RIBC2: variants seen among roughly 807,000 people sequenced by gnomAD.
RIBC2 encodes the protein RIB43A domain with coiled-coils 2.
In RIBC2, 40 loss-of-function variants were observed where a neutral mutation model predicts 44.3. The ratio of observed to expected loss-of-function variants is 0.90; its 90% CI spans 0.70 to 1.18. The LOEUF (loss-of-function observed/expected upper bound fraction) is 1.18, where lower values mean the gene tolerates loss of function less well. Ranked by LOEUF, RIBC2 falls within the 50% of genes most tolerant of loss-of-function variation. RIBC2 has a pLI of 0.00. For missense variants in RIBC2, 459 were observed against 485.5 expected, an observed-to-expected ratio of 0.95 and a Z score of 0.51; for synonymous variants, 171 against 175.0, an observed-to-expected ratio of 0.98 and a Z score of 0.18.
intron 3 of RIBC2, 56 bp downstream of exon 3, chr22:45,418,002 T>G: frequency 1.1e-6 from 1 of 879,888 alleles, no homozygotes; most frequent in Non-Finnish European, 1.6e-6. Flanking sequence ...AAACCAACCC[T>G]ACAGTTTTTT....
chr22:45,413,713 A>G lies in RIBC2; in HGVS notation c.-174A>G. 1 of 1,160,118 alleles carries G rather than the reference A, an allele frequency of 8.6e-7. No individual in the cohort carries two copies. Among genetic ancestry groups the G allele is most frequent in the Non-Finnish European group, 1.2e-6 (1 of 816,788 alleles). 71.9% of individuals were successfully genotyped at this position (1,160,118 alleles called of 1,614,324 possible). On this transcript the variant is annotated 5_prime_UTR_variant, in exon 1 of 7. Transcript: ENST00000614167. ...AACGAGTTGTTGACATTTCCGAGAG[A>G]GCGGGAGCGTCTGTACCTCTGCGGC...
chr22:45,430,210 C>A (rs1009342611), intron 5 of RIBC2, among the ~76,000 whole-genome samples: 20 of 152,122 alleles, frequency 1.3e-4, no homozygotes, highest in Non-Finnish European at 2.8e-4. Flanking sequence ...GCTTATTTGG[C>A]GGGAGGAGGC....
Position 45,427,585 on chromosome 22 carries a change from C to G in RIBC2, c.903+1410C>G, listed in dbSNP as rs969579392. On this transcript the variant is annotated intron_variant, in intron 5 of 6. Coordinates refer to ENST00000614167, the MANE Select transcript of RIBC2 (RefSeq NM_015653.5). Reference sequence around the variant, plus strand: ...GCAGCTGGATATGTAACATAGGGCTCAGAACAAGGTCTGGGCCAGAGGCAT... The same window carrying G: ...GCAGCTGGATATGTAACATAGGGCTGAGAACAAGGTCTGGGCCAGAGGCAT... 5.9e-5 allele frequency among the ~76,000 whole-genome samples: 9 copies of G among 152,352 alleles called. 1 individual carries two copies. The highest frequency in any genetic ancestry group is 6.8e-3 in the Middle Eastern group (2 of 294).
chr22:45,418,073 G>A, intron 3 of RIBC2, 127 bp downstream of exon 3: 1 of 713,944 alleles, frequency 1.4e-6, no homozygotes, highest in Non-Finnish European at 2.2e-6. Flanking sequence ...AGTTTTTGTG[G>A]GATTTGTTTA....
At position 45,425,140 on chromosome 22, in the gene RIBC2, C is replaced by CA. The variant is rs1176045774; in HGVS notation, c.676-805dup. On this transcript the variant is annotated intron_variant, in intron 4 of 6. Transcript: ENST00000614167. ...CGTCTCAAAAAAACAAACAAACAAA[C>CA]AAACAAAAAAAAACGGGTGTAGGGG... 5.8e-3 allele frequency among the ~76,000 whole-genome samples: 873 copies of CA among 150,986 alleles called. 12 individuals are homozygous for CA. The highest frequency in any genetic ancestry group is 0.02 in the African/African-American group (834 of 40,832).
intron 1 of RIBC2, 107 bp downstream of exon 1, chr22:45,414,122 G>T: frequency 6.7e-7 from 1 of 1,492,294 alleles, no homozygotes; most frequent in Non-Finnish European, 9.0e-7. Context: ...GAGCCAGGAG[G>T]CAGCAAACGG....
intron 2 of RIBC2, 85 bp downstream of exon 2, chr22:45,414,488 C>CA: frequency 1.4e-6 from 1 of 701,250 alleles, no homozygotes; most frequent in Non-Finnish European, 2.1e-6. Context: ...CCTGCCCCGC[C>CA]TTTTTTTTTT....
At chr22:45,424,753 CT>C (rs3071820) in intron 4 of RIBC2, among the ~76,000 whole-genome samples, 96 of 124,360 alleles carry the variant, frequency 7.7e-4, no homozygotes, top group Admixed American at 8.6e-4. Context: ...TTTCTTTTTT[CT>C]TTTTTTTTTT....
chr22:45,418,010 TTTTTTTTTTTTAA>T lies in RIBC2; in HGVS notation c.556+65_556+77del. 8.9e-6 allele frequency: 8 copies of T among 898,344 alleles called. No individual in the cohort carries two copies. The Admixed American group carries it at 1.3e-4, about 15-fold the overall frequency. The allele number at this position is 898,344 out of a possible 1,614,324, so 55.6% of individuals were successfully genotyped here. ...CTTCAACAAACCAACCCTACAGTTT[TTTTTTTTTTTTAA>T]GCAACCCTACAGTTTTTTTTTTTTT... On this transcript the variant is annotated intron_variant, in intron 3 of 6. Coordinates refer to ENST00000614167, the MANE Select transcript of RIBC2 (RefSeq NM_015653.5).
intron 3 of RIBC2, chr22:45,418,344 T>C (rs577795660): frequency 6.2e-6 from 1 of 161,186 alleles, no homozygotes; most frequent in Admixed American, 5.9e-5. Context: ...TAGAAATTCC[T>C]ACAGGGGACT....
At chr22:45,416,589 G>A (rs2087427241) in intron 2 of RIBC2, among the ~76,000 whole-genome samples, 1 of 152,058 alleles carries the variant, frequency 6.6e-6, no homozygotes. Flanking sequence ...AGCCTCCCAA[G>A]TAGCTGTGAC....
At chr22:45,425,899 G>GC (rs1464025545) in intron 4 of RIBC2, 49 bp from the exon 5 acceptor site, 1 of 1,509,806 alleles carries the variant, frequency 6.6e-7, no homozygotes, top group Non-Finnish European at 9.1e-7. Flanking sequence ...GTGTCAGAAT[G>GC]CCCCTGGGGT....
chr22:45,417,525 T>C, intron 2 of RIBC2, 77 bp from the exon 3 acceptor site: 8 of 1,194,352 alleles, frequency 6.7e-6, no homozygotes, highest in Non-Finnish European at 6.9e-6. Flanking sequence ...AAAAAGTAAA[T>C]AATAAAAAAT....
At chr22:45,425,840 C>G (rs1322567884) in intron 4 of RIBC2, 108 bp from the exon 5 acceptor site, 2 of 941,574 alleles carry the variant, frequency 2.1e-6, no homozygotes, top group African/African-American at 3.3e-5. Flanking sequence ...TCCTGCTGCC[C>G]TTAGCATATC....
chr22:45,423,825 G>A (rs776883981), intron 4 of RIBC2, among the ~76,000 whole-genome samples: 2 of 152,170 alleles, frequency 1.3e-5, no homozygotes, highest in Non-Finnish European at 2.9e-5. Context: ...CGACCAAAGA[G>A]GGGAGGCTGT....
In RIBC2 at chr22:45,417,858, G is replaced by A. The variant is rs1428001570; in HGVS notation, c.468G>A (p.Arg156=). The change falls in exon 3 of 7, where the codon AGG becomes AGA. Residue 156 remains arginine, a synonymous_variant. Transcript: ENST00000614167. ...FMGEDLNFHE[R]KKFQEEQNRE... Reference sequence around the variant, plus strand: ...GAGAGGATTTAAACTTCCATGAGAGGAAGAAATTCCAAGAGGAACAAAACA... The same window carrying A: ...GAGAGGATTTAAACTTCCATGAGAGAAAGAAATTCCAAGAGGAACAAAACA... The A allele has an allele frequency of 2.5e-6, 4 of 1,613,940 alleles. No homozygotes were observed. The African/African-American group carries it at 5.3e-5, about 22-fold the overall frequency.
chr22:45,418,054 C>G, intron 3 of RIBC2, 108 bp downstream of exon 3: 1 of 708,386 alleles, frequency 1.4e-6, no homozygotes. Flanking sequence ...TTTTTTTAAG[C>G]AACCCTACAG....
intron 3 of RIBC2, among the ~76,000 whole-genome samples, chr22:45,420,504 G>A (rs1321627598): frequency 6.6e-6 from 1 of 152,156 alleles, no homozygotes; most frequent in Non-Finnish European, 1.5e-5. Flanking sequence ...TGGCCAAAAG[G>A]CTTTGTTTCA....
At chr22:45,424,701 G>A (rs892388838) in intron 4 of RIBC2, among the ~76,000 whole-genome samples, 5 of 151,886 alleles carry the variant, frequency 3.3e-5, no homozygotes, top group Admixed American at 6.6e-5. Context: ...GCTAGTCCCC[G>A]CAGGCTTCCT....
Sources: allele counts gnomAD v4.1 joint callset (sites outside exome capture counted in the v4.1 genomes callset), GRCh38; gene constraint gnomAD v4.1.1; transcripts MANE v1.5; gene names NCBI Gene and HGNC (gene_info 2026-07-23, HGNC 2026-07-21).